NCOR2: variants seen among roughly 807,000 people sequenced by gnomAD.
NCOR2 encodes the protein CTG repeat protein 26.
NCOR2 carries 81 observed loss-of-function variants against 262.9 expected under a neutral mutation model. The observed-to-expected ratio is 0.31, with a 90% CI of 0.26 to 0.37. The LOEUF (loss-of-function observed/expected upper bound fraction) is 0.37. Among genes scored for constraint, NCOR2 ranks in the 10% least tolerant of loss-of-function variants. The pLI is 1.00. For synonymous variants in NCOR2, 1,659 were observed against 1,559.3 expected (o/e 1.06, Z -1.51); for missense variants, 3,385 against 3,621.4 (o/e 0.93, Z 1.68).
chr12:124,389,581 G>C lies in NCOR2; in HGVS notation c.1877-3694C>G, dbSNP rs1045276489. On this transcript the variant is annotated intron_variant, in intron 16 of 46. Coordinates refer to ENST00000405201, the Ensembl canonical transcript of NCOR2. The surrounding 1 kb of genome is among the most constrained non-coding windows in gnomAD (Gnocchi z 4.4). ...CCCGCCGCCCGTCCCCCCACCCTCCGTGTCAGTTCCACCTGAGCTCTGCCC... is the reference window on the plus strand; with the variant it reads ...CCCGCCGCCCGTCCCCCCACCCTCCCTGTCAGTTCCACCTGAGCTCTGCCC... 6.9e-6 allele frequency among the ~76,000 whole-genome samples: 1 copy of C among 144,654 alleles called. No individual in the cohort carries two copies. The highest frequency in any genetic ancestry group is 2.5e-5 in the African/African-American group (1 of 39,482). The allele number at this position is 144,654 out of a possible 152,430, so 94.9% of individuals were successfully genotyped here. A position where few individuals can be genotyped will look rare whatever the true frequency, so the allele number is the denominator to read the frequency against.
At chr12:124,448,558 G>A (rs2045328626) in intron 7 of NCOR2, among the ~76,000 whole-genome samples, 1 of 152,166 alleles carries the variant, frequency 6.6e-6, no homozygotes, top group Admixed American at 6.5e-5. Context: ...CCACGCTGGT[G>A]AAGTATCTTT....
At position 124,457,156 on chromosome 12, in the gene NCOR2, CCTT is replaced by C; in HGVS notation, c.709_711del (p.Lys237del). 1 of 1,533,302 alleles carries C rather than the reference CCTT, an allele frequency of 6.5e-7. No individual in the cohort carries two copies. Among genetic ancestry groups the C allele is most frequent in the Non-Finnish European group, 8.7e-7 (1 of 1,151,680 alleles). The allele number at this position is 1,533,302 out of a possible 1,614,324, so 95.0% of individuals were successfully genotyped here. ...TCCAGAATCCGATGTGCAGCTTCAG[CCTT>C]CTTCTGCAGGGTGATGGCGAAGAGG... On this transcript the variant is annotated inframe_deletion, in exon 6 of 47. Coordinates refer to ENST00000405201, the Ensembl canonical transcript of NCOR2. This position sits in a 1 kb window ranked among gnomAD's most constrained non-coding sequence, Gnocchi z 4.0.
intron 30 of NCOR2, 188 bp downstream of exon 32, chr12:124,347,637 T>C: frequency 1.6e-6 from 1 of 610,640 alleles, no homozygotes; most frequent in Non-Finnish European, 2.9e-6. Flanking sequence ...TTTTTGTTTT[T>C]GTTTTGAAAT....
intron 41 of NCOR2, among the ~76,000 whole-genome samples, chr12:124,333,618 A>G (rs560440814): frequency 6.6e-6 from 1 of 151,104 alleles, no homozygotes; most frequent in East Asian, 2.0e-4. Context: ...CCCCCCAAAG[A>G]TGTCCTGCTG....
chr12:124,521,434 T>C (rs549932965), intron 1 of NCOR2, among the ~76,000 whole-genome samples: 77 of 152,250 alleles, frequency 5.1e-4, no homozygotes, highest in African/African-American at 1.7e-3. Flanking sequence ...AATTCCGCCA[T>C]ATAAAGGAAT....
chr12:124,537,114 A>G (rs2051137230), upstream of NCOR2, among the ~76,000 whole-genome samples: 1 of 152,236 alleles, frequency 6.6e-6, no homozygotes, highest in African/African-American at 2.4e-5. Flanking sequence ...AGAGGCCTGC[A>G]GAGGTAGTCA....
chr12:124,526,551 A>G (rs1427075702), intron 1 of NCOR2, among the ~76,000 whole-genome samples: 4 of 152,144 alleles, frequency 2.6e-5, no homozygotes, highest in Non-Finnish European at 5.9e-5. Context: ...ACAGCGAACG[A>G]GGACAAGACT....
At chr12:124,355,041 G>A in intron 24 of NCOR2, 102 bp from the exon 27 acceptor site, 6 of 954,244 alleles carry the variant, frequency 6.3e-6, no homozygotes, top group Middle Eastern at 2.2e-4. Flanking sequence ...GTGGGTCAGA[G>A]GCTGGGGCTG....
chr12:124,325,388 C>CCCCCCCCCCCGGGGGGGGG, exon 47 of NCOR2: 2 of 693,388 alleles, frequency 2.9e-6, no homozygotes, highest in East Asian at 3.7e-5. Flanking sequence ...CCCCCCCCCC[C>CCCCCCCCCCCGGGGGGGGG]GCCCTGTTCT....
intron 1 of NCOR2, among the ~76,000 whole-genome samples, chr12:124,534,527 A>G (rs2051019360): frequency 6.6e-6 from 1 of 152,202 alleles, no homozygotes. Context: ...GTTGACCAGA[A>G]TGTCGTTATG....
intron 31 of NCOR2, among the ~76,000 whole-genome samples, chr12:124,345,952 C>G (rs982656771): frequency 6.6e-6 from 1 of 152,198 alleles, no homozygotes; most frequent in Non-Finnish European, 1.5e-5. Context: ...TCCTCGTCCT[C>G]GTACCATCGG....
At chr12:124,433,932 T>C (rs1421130952) in intron 8 of NCOR2, among the ~76,000 whole-genome samples, 1 of 102,316 alleles carries the variant, frequency 9.8e-6, no homozygotes, top group Admixed American at 1.0e-4. Context: ...ACTGGAGCCG[T>C]CCCCCTCCCG....
At chr12:124,374,499 A>G (rs2695993) in intron 18 of NCOR2, 36 bp from the exon 21 acceptor site, 1,571,678 of 1,602,884 alleles carry the variant, frequency 0.98, 771,397 homozygotes, top group Non-Finnish European at 0.99. Flanking sequence ...GAAGTGAGGC[A>G]GCACCAAGTA....
intron 19 of NCOR2, 73 bp downstream of exon 21, chr12:124,374,340 T>G: frequency 6.7e-7 from 1 of 1,487,380 alleles, no homozygotes; most frequent in Non-Finnish European, 9.3e-7. Flanking sequence ...GGGTTCCTTG[T>G]GGAGGACCGG....
At chr12:124,533,573 T>A (rs1051450738) in intron 1 of NCOR2, among the ~76,000 whole-genome samples, 36 of 152,212 alleles carry the variant, frequency 2.4e-4, no homozygotes, top group African/African-American at 8.4e-4. Flanking sequence ...TTGGTCATGG[T>A]CTGTCTCCCC....
chr12:124,428,044 A>AGT (rs55965573), intron 10 of NCOR2, among the ~76,000 whole-genome samples: 4,660 of 112,444 alleles, frequency 0.041, 228 homozygotes, highest in East Asian at 0.17. Flanking sequence ...CCATGTGGCC[A>AGT]GTGTGTGTGT....
intron 38 of NCOR2, 32 bp from the exon 41 acceptor site, chr12:124,335,664 C>A: frequency 6.4e-7 from 1 of 1,573,976 alleles, no homozygotes; most frequent in South Asian, 1.1e-5. Context: ...GAGTCAGGCA[C>A]CGGGCCCAGG....
intron 42 of NCOR2, 66 bp downstream of exon 44, chr12:124,333,064 T>C: frequency 1.3e-6 from 2 of 1,518,640 alleles, no homozygotes; most frequent in East Asian, 2.3e-5. Flanking sequence ...CACGGTGGAC[T>C]GGGGCCAAGG....
chr12:124,402,635 G>C (rs544642918), intron 13 of NCOR2, 74 bp from the exon 16 acceptor site: 27 of 1,537,276 alleles, frequency 1.8e-5, no homozygotes, highest in Non-Finnish European at 2.4e-5. Flanking sequence ...CTCTGCACCT[G>C]GGCTCAGCCT....
Sources: allele counts gnomAD v4.1 joint callset (sites outside exome capture counted in the v4.1 genomes callset), GRCh38; gene constraint gnomAD v4.1.1; non-coding constraint Gnocchi (gnomAD v3.1); transcripts MANE v1.5; gene names NCBI Gene and HGNC (gene_info 2026-07-23, HGNC 2026-07-21).